The following GALNT14 variants were observed in gnomAD, a reference collection of about 807,000 sequenced individuals.
GALNT14 encodes the protein polypeptide N-acetylgalactosaminyltransferase 14.
In GALNT14, 60 loss-of-function variants were observed where a neutral mutation model predicts 77.5. That is an observed-to-expected ratio of 0.77 (90% CI 0.63 to 0.96). The LOEUF (loss-of-function observed/expected upper bound fraction) is 0.96, where lower values mean the gene tolerates loss of function less well. Among genes scored for constraint, GALNT14 ranks in the 40% least tolerant of loss-of-function variants. GALNT14 has a pLI of 0.00. For synonymous variants in GALNT14, 280 were observed against 281.7 expected (o/e 0.99, Z 0.06); for missense variants, 710 against 731.0 (o/e 0.97, Z 0.33).
chr2:30,953,507 G>A (rs528985492), intron 6 of GALNT14, among the ~76,000 whole-genome samples: 16 of 151,978 alleles, frequency 1.1e-4, no homozygotes, highest in South Asian at 6.3e-4. Context: ...ACAGGGTTTC[G>A]CCATGTTGGC....
At chr2:31,027,724 C>G (rs1436517922) in intron 1 of GALNT14, among the ~76,000 whole-genome samples, 7 of 152,144 alleles carry the variant, frequency 4.6e-5, no homozygotes, top group Admixed American at 4.6e-4. Context: ...TATGTCCCCA[C>G]CCTGTATGGT....
chr2:31,090,486 T>TC (rs1676673883), intron 1 of GALNT14, among the ~76,000 whole-genome samples: 1 of 123,130 alleles, frequency 8.1e-6, no homozygotes, highest in Non-Finnish European at 1.7e-5. Flanking sequence ...TTCATCTTTT[T>TC]TTTTTTTTTT....
At chr2:30,974,917 G>A (rs1668550174) in intron 2 of GALNT14, among the ~76,000 whole-genome samples, 1 of 152,218 alleles carries the variant, frequency 6.6e-6, no homozygotes, top group Non-Finnish European at 1.5e-5. Flanking sequence ...GGAGGCAGGT[G>A]AGGCTTACTT....
intron 2 of GALNT14, among the ~76,000 whole-genome samples, chr2:30,982,680 T>C (rs1020758190): frequency 6.6e-6 from 1 of 152,228 alleles, no homozygotes; most frequent in Non-Finnish European, 1.5e-5. Context: ...GGGTGGCTTC[T>C]GGCAAACACA....
chr2:30,924,831 C>T lies in GALNT14; in HGVS notation c.1152-8G>A, dbSNP rs374250846. ...TCCAATCTGCTCTCAACACTGGGGGCAACGGGGTTGTGGACAGACACAAAG... is the reference window on the plus strand; with the variant it reads ...TCCAATCTGCTCTCAACACTGGGGGTAACGGGGTTGTGGACAGACACAAAG... On this transcript the variant is annotated splice_polypyrimidine_tract_variant and splice_region_variant and intron_variant, in intron 11 of 14. Coordinates refer to ENST00000349752, the MANE Select transcript of GALNT14 (RefSeq NM_024572.4). 3.1e-6 allele frequency: 5 copies of T among 1,612,626 alleles called. No individual in the cohort carries two copies. The highest frequency in any genetic ancestry group is 1.3e-5 in the African/African-American group (1 of 74,876).
chr2:31,110,635 AC>A (rs1677787914), intron 1 of GALNT14, among the ~76,000 whole-genome samples: 1 of 152,104 alleles, frequency 6.6e-6, no homozygotes, highest in African/African-American at 2.4e-5. Flanking sequence ...GGAAAGAAGA[AC>A]CAAGGTTCAC....
intron 1 of GALNT14, among the ~76,000 whole-genome samples, chr2:31,065,810 G>T (rs944335818): frequency 6.6e-6 from 1 of 152,158 alleles, no homozygotes; most frequent in African/African-American, 2.4e-5. Flanking sequence ...GGAGAATGAA[G>T]AGCCCAGCAG....
chr2:30,994,884 G>T (rs961506246), intron 1 of GALNT14, among the ~76,000 whole-genome samples: 3 of 152,184 alleles, frequency 2.0e-5, no homozygotes, highest in Admixed American at 2.0e-4. Context: ...CATGCATGGA[G>T]ATGCCTGTAA....
intron 1 of GALNT14, among the ~76,000 whole-genome samples, chr2:31,000,503 T>C (rs915157694): frequency 6.7e-6 from 1 of 149,454 alleles, no homozygotes; most frequent in African/African-American, 2.5e-5. Context: ...GACAGATTGA[T>C]TGATTGGCTG....
chr2:30,897,607 C>T, the GALNT14 span, among the ~76,000 whole-genome samples: 1 of 152,178 alleles, frequency 6.6e-6, no homozygotes, highest in Non-Finnish European at 1.5e-5. Flanking sequence ...GTGCTGAGCC[C>T]CGCCTCCAGG....
intron 1 of GALNT14, among the ~76,000 whole-genome samples, chr2:31,006,333 GACA>G (rs1670672846): frequency 1.3e-5 from 2 of 151,956 alleles, no homozygotes; most frequent in African/African-American, 4.8e-5. Context: ...CCAGAATAAT[GACA>G]ACGACAACTA....
At chr2:31,117,577 C>A (rs1363953550) in intron 1 of GALNT14, among the ~76,000 whole-genome samples, 2 of 152,134 alleles carry the variant, frequency 1.3e-5, no homozygotes, top group South Asian at 4.2e-4. Flanking sequence ...TGATTGGAAA[C>A]GTGAATGGAG....
chr2:31,118,355 T>C (rs373976972), intron 1 of GALNT14, among the ~76,000 whole-genome samples: 1 of 152,176 alleles, frequency 6.6e-6, no homozygotes, highest in South Asian at 2.1e-4. Context: ...TGAAAATAGA[T>C]GTTAAAATTC....
chr2:30,960,501 GAAAT>G (rs1667626547), intron 3 of GALNT14, among the ~76,000 whole-genome samples: 1 of 151,966 alleles, frequency 6.6e-6, no homozygotes. Context: ...AAAAAAAAAA[GAAAT>G]AGTCAGCAGT....
chr2:31,092,946 A>C (rs1676825562), intron 1 of GALNT14, among the ~76,000 whole-genome samples: 1 of 152,212 alleles, frequency 6.6e-6, no homozygotes, highest in Non-Finnish European at 1.5e-5. Flanking sequence ...CCTTAACTAC[A>C]CCATGAAAAT....
chr2:30,913,185 T>C (rs1180000513), intron 13 of GALNT14, among the ~76,000 whole-genome samples: 1 of 152,162 alleles, frequency 6.6e-6, no homozygotes, highest in Non-Finnish European at 1.5e-5. Flanking sequence ...CAGAAAGTAC[T>C]GGCATAAGCG....
intron 1 of GALNT14, among the ~76,000 whole-genome samples, chr2:31,098,176 G>A (rs982235656): frequency 6.6e-6 from 1 of 152,126 alleles, no homozygotes; most frequent in Non-Finnish European, 1.5e-5. Flanking sequence ...CTCAGCAAAT[G>A]TACTGCATTC....
intron 3 of GALNT14, among the ~76,000 whole-genome samples, chr2:30,960,282 A>T (rs1667603292): frequency 6.6e-6 from 1 of 152,228 alleles, no homozygotes; most frequent in Non-Finnish European, 1.5e-5. Context: ...AGCAGGAGAC[A>T]GCGGAAAACC....
intron 1 of GALNT14, among the ~76,000 whole-genome samples, chr2:31,079,538 G>C (rs568538010): frequency 1.3e-5 from 2 of 152,264 alleles, no homozygotes; most frequent in African/African-American, 4.8e-5. Context: ...AAGTCAAAAC[G>C]GTAGTTGAAC....
Sources: allele counts gnomAD v4.1 joint callset (sites outside exome capture counted in the v4.1 genomes callset), GRCh38; gene constraint gnomAD v4.1.1; transcripts MANE v1.5; gene names NCBI Gene and HGNC (gene_info 2026-07-23, HGNC 2026-07-21).